Variants in CXCL13 observed in about 807,000 individuals in gnomAD.
CXCL13 encodes C-X-C motif chemokine 13.
In CXCL13, 7 loss-of-function variants were observed where a neutral mutation model predicts 12.2. The ratio of observed to expected loss-of-function variants is 0.57; its 90% CI spans 0.33 to 1.07. The LOEUF is 1.07. Ranked by LOEUF, CXCL13 falls within the 50% of genes least tolerant of loss-of-function variation. The probability of loss-of-function intolerance (pLI) is 0.04; values close to 1 mark genes in which losing one functional copy is unlikely to be tolerated. For missense variants in CXCL13, 113 were observed against 127.4 expected (o/e 0.89, Z 0.55); for synonymous variants, 47 against 42.4 (o/e 1.11, Z -0.42).
At chr4:77,593,607 C>T (rs1171996166) in intron 1 of CXCL13, among the ~76,000 whole-genome samples, 4 of 152,352 alleles carry the variant, frequency 2.6e-5, no homozygotes, top group East Asian at 1.9e-4. Context: ...TAAGCACTTT[C>T]GCATACCTTA....
At chr4:77,598,900 C>T (rs955892967) in intron 1 of CXCL13, among the ~76,000 whole-genome samples, 9 of 151,968 alleles carry the variant, frequency 5.9e-5, no homozygotes, top group African/African-American at 1.9e-4. Context: ...CTCTGCCTCC[C>T]GAGTTCAAGT....
chr4:77,566,748 C>T (rs1322219653), intron 1 of CXCL13, among the ~76,000 whole-genome samples: 2 of 152,166 alleles, frequency 1.3e-5, no homozygotes, highest in Admixed American at 1.3e-4. Context: ...AAATTACCCT[C>T]TTTATAGCAA....
intron 1 of CXCL13, among the ~76,000 whole-genome samples, chr4:77,537,292 C>A (rs1316559384): frequency 6.6e-6 from 1 of 152,174 alleles, no homozygotes; most frequent in African/African-American, 2.4e-5. Flanking sequence ...ATGAACACGA[C>A]TGCAGAGAGG....
At chr4:77,512,599 A>G (rs1482967416) in intron 1 of CXCL13, among the ~76,000 whole-genome samples, 1 of 151,934 alleles carries the variant, frequency 6.6e-6, no homozygotes, top group Non-Finnish European at 1.5e-5. Context: ...TTATAAGGAC[A>G]CCAGTCATAT....
At chr4:77,597,015 C>T (rs1490106574) in intron 1 of CXCL13, among the ~76,000 whole-genome samples, 3 of 151,980 alleles carry the variant, frequency 2.0e-5, no homozygotes, top group African/African-American at 2.4e-5. Context: ...TGCAAGAACA[C>T]GAATGAACCT....
At chr4:77,607,665 C>A in intron 1 of CXCL13, 38 bp from the exon 2 acceptor site, 1 of 1,565,118 alleles carries the variant, frequency 6.4e-7, no homozygotes, top group Non-Finnish European at 8.7e-7. Flanking sequence ...AATTACATGC[C>A]AATGGATTAA....
intron 1 of CXCL13, among the ~76,000 whole-genome samples, chr4:77,597,091 T>A (rs905577662): frequency 1.3e-5 from 2 of 152,218 alleles, no homozygotes; most frequent in Admixed American, 6.5e-5. Context: ...ATCTCACTTA[T>A]ATGTGAAATC....
At chr4:77,589,129 C>G (rs1040725066) in intron 1 of CXCL13, among the ~76,000 whole-genome samples, 2 of 152,226 alleles carry the variant, frequency 1.3e-5, no homozygotes, top group African/African-American at 2.4e-5. Flanking sequence ...GTAGTCCACC[C>G]TTATCAACAG....
At chr4:77,586,104 A>T (rs1166756648) in intron 1 of CXCL13, among the ~76,000 whole-genome samples, 2 of 152,160 alleles carry the variant, frequency 1.3e-5, no homozygotes, top group Non-Finnish European at 2.9e-5. Flanking sequence ...GCAGTTTTAT[A>T]ATGGGGTAAT....
chr4:77,524,248 C>T (rs1051321688), intron 1 of CXCL13, among the ~76,000 whole-genome samples: 2 of 152,168 alleles, frequency 1.3e-5, no homozygotes, highest in African/African-American at 4.8e-5. Flanking sequence ...GCTGGGAGAA[C>T]CCCTTCTCTC....
intron 1 of CXCL13, among the ~76,000 whole-genome samples, chr4:77,558,270 G>A (rs1725711767): frequency 6.6e-6 from 1 of 152,224 alleles, no homozygotes; most frequent in South Asian, 2.1e-4. Context: ...CCTGAGATGG[G>A]CACCTGTTAT....
intron 1 of CXCL13, among the ~76,000 whole-genome samples, chr4:77,515,563 G>A (rs1560511732): frequency 1.3e-5 from 2 of 152,232 alleles, no homozygotes; most frequent in South Asian, 2.1e-4. Flanking sequence ...TATTCTCTTT[G>A]AAGCAATTGT....
intron 1 of CXCL13, among the ~76,000 whole-genome samples, chr4:77,542,883 T>C (rs575198607): frequency 6.6e-6 from 1 of 152,220 alleles, no homozygotes; most frequent in South Asian, 2.1e-4. Context: ...CTTTGTAGAA[T>C]TAGTTAGGAA....
Position 77,607,561 on chromosome 4 carries a change from A to G in CXCL13, c.65-142A>G, listed in dbSNP as rs902614161. The G allele has an allele frequency of 1.0e-5, 7 of 687,418 alleles. No homozygotes were observed. In the East Asian group the frequency reaches 1.1e-4, roughly 10 times the overall value. 42.6% of individuals were successfully genotyped at this position (687,418 alleles called of 1,614,324 possible). On this transcript the variant is annotated intron_variant, in intron 1 of 3. Transcript: ENST00000682537. ...CTCAAGCCAAGACAAGCAGAAATAT[A>G]CAAACTAAAGACATATGGGTGGAAG...
chr4:77,561,814 C>G (rs780976082), intron 1 of CXCL13, among the ~76,000 whole-genome samples: 3 of 152,230 alleles, frequency 2.0e-5, no homozygotes, highest in Non-Finnish European at 4.4e-5. Flanking sequence ...CAGCCCACCA[C>G]TGCACTGTGG....
At chr4:77,605,813 C>T (rs893520712), upstream of CXCL13, 11 of 1,281,182 alleles carry the variant, frequency 8.6e-6, no homozygotes, top group Admixed American at 1.9e-5. Context: ...TCTGGTACTG[C>T]AAACCCACAG....
At chr4:77,609,674 C>A (rs963850278) in intron 2 of CXCL13, among the ~76,000 whole-genome samples, 1 of 152,054 alleles carries the variant, frequency 6.6e-6, no homozygotes, top group African/African-American at 2.4e-5. Context: ...GAGTTCACAC[C>A]AATAGAGGGT....
chr4:77,530,726 C>A (rs1362887752), intron 1 of CXCL13, among the ~76,000 whole-genome samples: 1 of 152,134 alleles, frequency 6.6e-6, no homozygotes, highest in African/African-American at 2.4e-5. Flanking sequence ...AAAAAACCAG[C>A]TCCTGGATTC....
intron 1 of CXCL13, among the ~76,000 whole-genome samples, chr4:77,518,776 CCTT>C (rs1560512723): frequency 6.6e-6 from 1 of 152,182 alleles, no homozygotes; most frequent in Non-Finnish European, 1.5e-5. Flanking sequence ...TTGTCTGAAG[CCTT>C]CTTCTCTCAA....
Sources: gnomAD v4.1 joint callset for allele counts (sites outside exome capture counted in the v4.1 genomes callset) on GRCh38, gnomAD v4.1.1 for gene constraint, MANE v1.5 for transcripts, NCBI Gene and HGNC (gene_info 2026-07-23, HGNC 2026-07-21) for gene names.